The following RANBP17 variants were observed in gnomAD, a reference collection of about 807,000 sequenced individuals.
The protein encoded by RANBP17 is RAN binding protein 17, also known as ran-binding protein 17.
In RANBP17, 158 loss-of-function variants were observed where a neutral mutation model predicts 141.2. The ratio of observed to expected loss-of-function variants is 1.12; its 90% CI spans 0.98 to 1.28. The LOEUF (loss-of-function observed/expected upper bound fraction) is 1.28. Among genes scored for constraint, RANBP17 ranks in the 50% most tolerant of loss-of-function variants. The pLI, the probability that RANBP17 is intolerant of heterozygous loss-of-function variation, is 0.00. For synonymous variants in RANBP17, 430 were observed against 450.0 expected, an observed-to-expected ratio of 0.96 and a Z score of 0.56; for missense variants, 1,438 against 1,290.7, an observed-to-expected ratio of 1.11 and a Z score of -1.75.
intron 25 of RANBP17, among the ~76,000 whole-genome samples, chr5:171,278,240 C>T (rs368374781): frequency 2.4e-4 from 37 of 152,052 alleles, no homozygotes; most frequent in East Asian, 3.9e-4. Flanking sequence ...TTAAATTGGC[C>T]GGGTGTGGTG....
At chr5:171,028,826 C>A in intron 14 of RANBP17, 1 of 946,246 alleles carries the variant, frequency 1.1e-6, no homozygotes, top group Non-Finnish European at 1.5e-6. Context: ...AGAATTCATC[C>A]ACTGCCACTG....
chr5:171,138,738 G>A (rs1458610604), intron 14 of RANBP17, among the ~76,000 whole-genome samples: 1 of 152,120 alleles, frequency 6.6e-6, no homozygotes, highest in Non-Finnish European at 1.5e-5. Context: ...ATGGTATATA[G>A]GAATTCTTTG....
intron 14 of RANBP17, among the ~76,000 whole-genome samples, chr5:171,005,926 G>A (rs1430361002): frequency 6.6e-6 from 1 of 152,178 alleles, no homozygotes; most frequent in African/African-American, 2.4e-5. Flanking sequence ...CCATCAAAAA[G>A]TAGGCAAAGG....
At chr5:171,220,396 C>T (rs2339235) in intron 21 of RANBP17, among the ~76,000 whole-genome samples, 84,940 of 147,422 alleles carry the variant, frequency 0.58, 25,497 homozygotes, top group South Asian at 0.76. Context: ...AGCTGCAGAC[C>T]GTAGCTGTTC....
intron 16 of RANBP17, among the ~76,000 whole-genome samples, chr5:171,181,264 C>G (rs770896165): frequency 1.3e-5 from 2 of 152,076 alleles, no homozygotes; most frequent in Non-Finnish European, 2.9e-5. Flanking sequence ...GCATGACCAA[C>G]GTAGTGAAAC....
At chr5:171,128,572 A>G (rs1464817672) in intron 14 of RANBP17, among the ~76,000 whole-genome samples, 1 of 152,184 alleles carries the variant, frequency 6.6e-6, no homozygotes, top group African/African-American at 2.4e-5. Flanking sequence ...ATATAAAGGC[A>G]TAAGTTCTAG....
At chr5:170,915,152 C>G (rs1422158) in intron 8 of RANBP17, among the ~76,000 whole-genome samples, 91,246 of 151,922 alleles carry the variant, frequency 0.6, 29,152 homozygotes, top group South Asian at 0.89. Flanking sequence ...GTGTAAAAAC[C>G]ATGGTTTCAT....
intron 5 of RANBP17, among the ~76,000 whole-genome samples, chr5:170,899,331 G>A (rs1441799713): frequency 6.6e-6 from 1 of 152,116 alleles, no homozygotes; most frequent in Non-Finnish European, 1.5e-5. Context: ...TCTGTTATTG[G>A]TGTATAGGAA....
At chr5:171,271,075 C>CTTTTTTTTTTTATTTTTTTTTTT (rs1767078538) in intron 25 of RANBP17, 1 of 27,540 alleles carries the variant, frequency 3.6e-5, no homozygotes, top group African/African-American at 1.7e-4. Flanking sequence ...TATGTTATTT[C>CTTTTTTTTTTTATTTTTTTTTTT]TTTTTTTTTT....
intron 5 of RANBP17, 84 bp downstream of exon 5, chr5:170,896,199 G>A (rs1770106073): frequency 1.1e-6 from 1 of 925,752 alleles, no homozygotes; most frequent in Non-Finnish European, 1.7e-6. Flanking sequence ...TGGCAAAATA[G>A]ACAGCCTTCA....
At chr5:171,045,107 C>T (rs1782486030) in intron 14 of RANBP17, among the ~76,000 whole-genome samples, 1 of 152,028 alleles carries the variant, frequency 6.6e-6, no homozygotes, top group Non-Finnish European at 1.5e-5. Context: ...TTTGTATTAG[C>T]TCTGCCAAAC....
chr5:171,297,458 CA>C (rs1377546458), intron 27 of RANBP17, among the ~76,000 whole-genome samples: 1 of 152,220 alleles, frequency 6.6e-6, no homozygotes, highest in African/African-American at 2.4e-5. Flanking sequence ...ATTTGAAATG[CA>C]AATCATCAGT....
intron 14 of RANBP17, among the ~76,000 whole-genome samples, chr5:171,007,454 AG>A (rs959772711): frequency 2.3e-4 from 35 of 152,192 alleles, no homozygotes; most frequent in African/African-American, 7.0e-4. Flanking sequence ...CGACTTGAGG[AG>A]GAGCAGTCTG....
At chr5:170,977,685 A>C (rs2127544150) in intron 14 of RANBP17, among the ~76,000 whole-genome samples, 2 of 152,242 alleles carry the variant, frequency 1.3e-5, no homozygotes, top group African/African-American at 4.8e-5. Flanking sequence ...GTACTGATAG[A>C]TGCCGTAACA....
chr5:171,049,643 G>T (rs576084627), intron 14 of RANBP17, among the ~76,000 whole-genome samples: 1 of 152,136 alleles, frequency 6.6e-6, no homozygotes, highest in Non-Finnish European at 1.5e-5. Flanking sequence ...ATTGATTTTT[G>T]TATATGGTGA....
At chr5:171,032,821 A>G (rs1322882372) in intron 14 of RANBP17, among the ~76,000 whole-genome samples, 1 of 152,134 alleles carries the variant, frequency 6.6e-6, no homozygotes, top group African/African-American at 2.4e-5. Flanking sequence ...CAAGACAACT[A>G]TAGGTAGAGT....
intron 5 of RANBP17, among the ~76,000 whole-genome samples, chr5:170,901,284 G>A (rs548977179): frequency 3.3e-5 from 5 of 152,126 alleles, no homozygotes; most frequent in African/African-American, 1.2e-4. Flanking sequence ...TGTCTCCTTC[G>A]ATCTTTGTTG....
intron 14 of RANBP17, among the ~76,000 whole-genome samples, chr5:171,048,880 T>G (rs1316140583): frequency 6.6e-6 from 1 of 152,194 alleles, no homozygotes; most frequent in Non-Finnish European, 1.5e-5. Flanking sequence ...AGTCTACCAT[T>G]GGTGGGCATT....
intron 14 of RANBP17, among the ~76,000 whole-genome samples, chr5:170,990,171 CA>C (rs1179831011): frequency 5.3e-5 from 8 of 151,716 alleles, no homozygotes; most frequent in Non-Finnish European, 8.9e-5. Flanking sequence ...AATATGGTAT[CA>C]ATAATTATTC....
Sources: gnomAD v4.1 joint callset for allele counts (sites outside exome capture counted in the v4.1 genomes callset) on GRCh38, gnomAD v4.1.1 for gene constraint, MANE v1.5 for transcripts, NCBI Gene and HGNC (gene_info 2026-07-23, HGNC 2026-07-21) for gene names.